The following UNC5D variants were observed in gnomAD, a reference collection of about 807,000 sequenced individuals.
The protein encoded by UNC5D is unc-5 netrin receptor D, also known as netrin receptor UNC5D.
A neutral mutation model predicts 105.4 loss-of-function variants in UNC5D; 39 were observed. The observed-to-expected ratio is 0.37, with a 90% CI of 0.29 to 0.48. The LOEUF is 0.48. Ranked by LOEUF, UNC5D falls within the 20% of genes least tolerant of loss-of-function variation. UNC5D has a pLI of 0.98. For synonymous variants in UNC5D, 452 were observed against 450.4 expected, an observed-to-expected ratio of 1.00 and a Z score of -0.04; for missense variants, 991 against 1,202.4, an observed-to-expected ratio of 0.82 and a Z score of 2.60.
chr8:35,507,453 T>G (rs1812405595), intron 1 of UNC5D, among the ~76,000 whole-genome samples: 1 of 152,256 alleles, frequency 6.6e-6, no homozygotes, highest in East Asian at 1.9e-4. Flanking sequence ...ACCCTGTAAG[T>G]AAGAATCACT....
intron 1 of UNC5D, among the ~76,000 whole-genome samples, chr8:35,450,343 C>T (rs142004115): frequency 8.5e-5 from 13 of 152,098 alleles, no homozygotes; most frequent in Non-Finnish European, 1.3e-4. Context: ...GGAGAATAAT[C>T]CTCAAAAAGA....
At chr8:35,382,801 C>T (rs984068146) in intron 1 of UNC5D, among the ~76,000 whole-genome samples, 10 of 152,280 alleles carry the variant, frequency 6.6e-5, no homozygotes, top group Non-Finnish European at 1.2e-4. Context: ...TGCCCCTGGA[C>T]GGTGACCATG....
chr8:35,544,271 T>A (rs771685278), intron 1 of UNC5D: 44 of 1,140,826 alleles, frequency 3.9e-5, no homozygotes, highest in Admixed American at 8.4e-5. Flanking sequence ...CCTGAACAGC[T>A]GATGGCATTA....
At chr8:35,467,640 A>G (rs1354309823) in intron 1 of UNC5D, among the ~76,000 whole-genome samples, 1 of 151,644 alleles carries the variant, frequency 6.6e-6, no homozygotes, top group Non-Finnish European at 1.5e-5. Flanking sequence ...ACTGTCTCCA[A>G]ATATTTAAAG....
At chr8:35,445,494 AAC>A (rs1194068658) in intron 1 of UNC5D, among the ~76,000 whole-genome samples, 1 of 152,060 alleles carries the variant, frequency 6.6e-6, no homozygotes. Context: ...TAAATTATGG[AAC>A]AGTCTTAAGG....
chr8:35,300,855 G>A (rs1263940888), intron 1 of UNC5D, among the ~76,000 whole-genome samples: 1 of 152,128 alleles, frequency 6.6e-6, no homozygotes, highest in African/African-American at 2.4e-5. Context: ...AATAAGGAGA[G>A]GGAGGAATAT....
At chr8:35,337,548 C>T (rs1219864413) in intron 1 of UNC5D, among the ~76,000 whole-genome samples, 2 of 152,154 alleles carry the variant, frequency 1.3e-5, no homozygotes, top group Admixed American at 6.5e-5. Flanking sequence ...TCAGCTTTTC[C>T]TATCGAGTTA....
intron 11 of UNC5D, among the ~76,000 whole-genome samples, chr8:35,733,148 A>G (rs1420840254): frequency 6.6e-6 from 1 of 152,074 alleles, no homozygotes. Context: ...AAACCTTCCC[A>G]GATGTTATCT....
At chr8:35,693,917 A>G (rs1826581690) in intron 7 of UNC5D, among the ~76,000 whole-genome samples, 1 of 152,096 alleles carries the variant, frequency 6.6e-6, no homozygotes, top group African/African-American at 2.4e-5. Context: ...CTCCACTGTA[A>G]GTAAGGGCCC....
At chr8:35,543,344 C>T (rs1390974696) in intron 1 of UNC5D, among the ~76,000 whole-genome samples, 1 of 152,142 alleles carries the variant, frequency 6.6e-6, no homozygotes, top group Non-Finnish European at 1.5e-5. Flanking sequence ...TCTCTTGATG[C>T]TCAAATTCAC....
intron 11 of UNC5D, among the ~76,000 whole-genome samples, chr8:35,731,384 G>A (rs1181816699): frequency 8.8e-6 from 1 of 113,898 alleles, no homozygotes; most frequent in East Asian, 2.8e-4. Context: ...CTGGGCAACA[G>A]TGAGACTCTG....
At chr8:35,577,767 G>A (rs540711863) in intron 3 of UNC5D, among the ~76,000 whole-genome samples, 1 of 151,964 alleles carries the variant, frequency 6.6e-6, no homozygotes, top group African/African-American at 2.4e-5. Context: ...AATTACAAAG[G>A]GGTAACTAGA....
At chr8:35,604,731 C>A (rs1183829379) in intron 4 of UNC5D, among the ~76,000 whole-genome samples, 2 of 152,258 alleles carry the variant, frequency 1.3e-5, no homozygotes, top group East Asian at 1.9e-4. Flanking sequence ...TTCTTGGAGG[C>A]TTTGTTCGTT....
intron 1 of UNC5D, among the ~76,000 whole-genome samples, chr8:35,392,998 C>A (rs1208468072): frequency 6.6e-6 from 1 of 151,632 alleles, no homozygotes; most frequent in Admixed American, 6.6e-5. Context: ...TTTAAAAAAT[C>A]TTTTCTGGGG....
At chr8:35,582,489 A>T (rs1050185933) in intron 3 of UNC5D, among the ~76,000 whole-genome samples, 7 of 152,196 alleles carry the variant, frequency 4.6e-5, no homozygotes, top group Non-Finnish European at 1.0e-4. Context: ...AGCAAAATGC[A>T]GCCTTCTTCC....
At chr8:35,289,750 G>T (rs562474363) in intron 1 of UNC5D, among the ~76,000 whole-genome samples, 1 of 152,182 alleles carries the variant, frequency 6.6e-6, no homozygotes, top group East Asian at 1.9e-4. Context: ...AGTCATTTTT[G>T]AAAAGAAGAC....
rs760815137 is a variant in UNC5D, at chr8:35,750,574, C to G, written c.1936-8C>G. ...CAAGTGAGAGAATAAACATACCTTTCCCAACAGGAAGTGATGTCAGTGGAA... is the reference window on the plus strand; with the variant it reads ...CAAGTGAGAGAATAAACATACCTTTGCCAACAGGAAGTGATGTCAGTGGAA... On this transcript the variant is annotated splice_polypyrimidine_tract_variant and splice_region_variant and intron_variant, in intron 12 of 16. Coordinates refer to ENST00000404895, the MANE Select transcript of UNC5D (RefSeq NM_080872.4). 5 of 1,613,714 alleles carry G rather than the reference C, an allele frequency of 3.1e-6. No individual in the cohort carries two copies. In the South Asian group the frequency reaches 5.5e-5, roughly 18 times the overall value.
At chr8:35,487,566 T>TACACAC (rs3048025) in intron 1 of UNC5D, among the ~76,000 whole-genome samples, 31 of 113,014 alleles carry the variant, frequency 2.7e-4, no homozygotes, top group African/African-American at 7.4e-4. Context: ...TCTCTCTCTG[T>TACACAC]ACACACACAC....
At chr8:35,619,007 C>A (rs1481670729) in intron 4 of UNC5D, among the ~76,000 whole-genome samples, 1 of 152,160 alleles carries the variant, frequency 6.6e-6, no homozygotes, top group African/African-American at 2.4e-5. Context: ...TCTGCTACAG[C>A]TTTAATGTCT....
Sources: allele counts gnomAD v4.1 joint callset (sites outside exome capture counted in the v4.1 genomes callset), GRCh38; gene constraint gnomAD v4.1.1; transcripts MANE v1.5; gene names NCBI Gene and HGNC (gene_info 2026-07-23, HGNC 2026-07-21).